The following DRD2 variants were observed in gnomAD, a reference collection of about 807,000 sequenced individuals.
DRD2 encodes the protein dopamine receptor D2, also known as D(2) dopamine receptor.
In DRD2, 8 loss-of-function variants were observed where a neutral mutation model predicts 38.0. That is an observed-to-expected ratio of 0.21 (90% confidence interval 0.12 to 0.38). The LOEUF (loss-of-function observed/expected upper bound fraction) is 0.38. Among genes scored for constraint, DRD2 ranks in the 10% least tolerant of loss-of-function variants. DRD2 has a pLI of 1.00. For synonymous variants in DRD2, 230 were observed against 238.6 expected (o/e 0.96, Z 0.33); for missense variants, 403 against 607.7 (o/e 0.66, Z 3.54).
intron 1 of DRD2, among the ~76,000 whole-genome samples, chr11:113,431,588 C>G (rs115140713): frequency 2.0e-5 from 3 of 152,208 alleles, no homozygotes; most frequent in Admixed American, 6.5e-5. Flanking sequence ...CATTCTAGTG[C>G]TCAGGACCCC....
At chr11:113,444,226 AG>A (rs1951119907) in intron 1 of DRD2, among the ~76,000 whole-genome samples, 1 of 152,294 alleles carries the variant, frequency 6.6e-6, no homozygotes, top group South Asian at 2.1e-4. Context: ...TAGTAGAGAC[AG>A]GGTTTCACCA....
At chr11:113,449,743 C>A (rs1951192037) in intron 1 of DRD2, among the ~76,000 whole-genome samples, 1 of 152,070 alleles carries the variant, frequency 6.6e-6, no homozygotes, top group South Asian at 2.1e-4. Context: ...CAGAAATGGT[C>A]TGAATACCTA....
intron 1 of DRD2, among the ~76,000 whole-genome samples, chr11:113,465,653 G>C (rs1421120491): frequency 6.6e-6 from 1 of 152,134 alleles, no homozygotes; most frequent in Admixed American, 6.5e-5. Flanking sequence ...AAAACTCCAT[G>C]GTCTAACCTG....
intron 1 of DRD2, among the ~76,000 whole-genome samples, chr11:113,432,792 G>C (rs371453872): frequency 6.6e-6 from 1 of 152,148 alleles, no homozygotes; most frequent in Non-Finnish European, 1.5e-5. Context: ...ACTTGGGGTT[G>C]GACCTTCTTT....
chr11:113,434,768 A>G (rs1386812490), intron 1 of DRD2, among the ~76,000 whole-genome samples: 2 of 151,656 alleles, frequency 1.3e-5, no homozygotes, highest in Non-Finnish European at 2.9e-5. Flanking sequence ...CAGCAGGCCA[A>G]GGGAGCCATC....
chr11:113,416,800 G>C lies in DRD2; in HGVS notation c.532+63C>G, dbSNP rs1029522633. 1.2e-5 allele frequency: 19 copies of C among 1,591,864 alleles called. No homozygotes were observed. In the African/African-American group the frequency reaches 1.9e-4, roughly 16 times the overall value. On this transcript the variant is annotated intron_variant, in intron 4 of 7. Transcript: ENST00000362072. ...GTGCCAGGGACTCTGCTCCCTCAGG[G>C]CCCTTCGAGGGAGCAGGGGCCCAGG... is the stretch of plus-strand genomic sequence containing the variant.
chr11:113,420,015 T>A (rs1302641148), intron 2 of DRD2, among the ~76,000 whole-genome samples: 1 of 152,142 alleles, frequency 6.6e-6, no homozygotes, highest in Non-Finnish European at 1.5e-5. Context: ...ATTTTGCGGG[T>A]GGAGGCAGGA....
intron 1 of DRD2, among the ~76,000 whole-genome samples, chr11:113,443,345 T>G (rs1273897521): frequency 1.3e-5 from 2 of 152,224 alleles, no homozygotes; most frequent in Non-Finnish European, 2.9e-5. Flanking sequence ...TCTGTCTCTC[T>G]CCTCTCCTAT....
In DRD2 at chr11:113,412,643, T is replaced by A. The variant is rs1110977; in HGVS notation, c.1051A>T (p.Thr351Ser). 1 of 1,613,880 alleles carries A rather than the reference T, an allele frequency of 6.2e-7. No individual in the cohort carries two copies. The highest frequency in any genetic ancestry group is 8.5e-7 in the Non-Finnish European group (1 of 1,180,010). Residue 351 changes from threonine to serine, a missense_variant, in exon 7 of 8, where the codon ACC becomes TCC. Physicochemically the swap from Thr to Ser is moderately conservative, Grantham distance 58 (BLOSUM62 1). This residue lies in a region of DRD2 where 67 missense variants were observed against 136.1 expected (regional missense o/e 0.49). Coordinates refer to ENST00000362072, the MANE Select transcript of DRD2 (RefSeq NM_000795.4). ...FEIQTMPNGK[T>S]RTSLKTMSRR... ...CTCATGGTCTTGAGGGAGGTCCGGG[T>A]TTTGCCATTGGGCATGGTCTGGATC...
At chr11:113,427,890 G>T (rs1950954284) in intron 1 of DRD2, among the ~76,000 whole-genome samples, 2 of 152,106 alleles carry the variant, frequency 1.3e-5, no homozygotes, top group Admixed American at 6.5e-5. Flanking sequence ...CTTAGGGTGG[G>T]CCCTAACCCA....
chr11:113,470,640 A>G (rs1348759706), intron 1 of DRD2, among the ~76,000 whole-genome samples: 1 of 152,182 alleles, frequency 6.6e-6, no homozygotes, highest in Non-Finnish European at 1.5e-5. Flanking sequence ...AAATTGCCCA[A>G]ACTACACTAA....
At chr11:113,420,791 G>T (rs929191187) in intron 2 of DRD2, among the ~76,000 whole-genome samples, 1 of 152,216 alleles carries the variant, frequency 6.6e-6, no homozygotes, top group Non-Finnish European at 1.5e-5. Context: ...ACTAGGGAGG[G>T]TCAGAGAAGA....
chr11:113,452,712 A>G (rs1476923937), intron 1 of DRD2, among the ~76,000 whole-genome samples: 1 of 149,632 alleles, frequency 6.7e-6, no homozygotes, highest in East Asian at 2.0e-4. Context: ...CAGTGGTGCA[A>G]TCTCAGCTCA....
intron 6 of DRD2, 121 bp from the exon 7 acceptor site, chr11:113,413,004 T>G (rs1180262026): frequency 2.6e-6 from 3 of 1,147,410 alleles, no homozygotes; most frequent in Non-Finnish European, 3.7e-6. Flanking sequence ...AGGGTCACCC[T>G]GCCAGGGAGG....
chr11:113,462,453 G>A (rs904197715), intron 1 of DRD2, among the ~76,000 whole-genome samples: 1 of 152,174 alleles, frequency 6.6e-6, no homozygotes, highest in Admixed American at 6.5e-5. Context: ...GAAGCAGAGA[G>A]GAGACAGAGA....
intron 1 of DRD2, among the ~76,000 whole-genome samples, chr11:113,467,003 A>G (rs1951376081): frequency 6.6e-6 from 1 of 152,144 alleles, no homozygotes; most frequent in African/African-American, 2.4e-5. Context: ...TACACATACT[A>G]CTAAAGAAAA....
In DRD2 at chr11:113,441,948, C is replaced by CA. The variant is rs779962309; in HGVS notation, c.-31-17267dup. On this transcript the variant is annotated intron_variant, in intron 1 of 7. Coordinates refer to ENST00000362072, the MANE Select transcript of DRD2 (RefSeq NM_000795.4). ...GGGTGACAGAGTGAGACTCTGTCTC[C>CA]AAAAAAAAAAAAAAAGCTACACCTC... Among the ~76,000 whole-genome samples the CA allele has an allele frequency of 2.5e-3, 236 of 94,968 alleles. 1 individual carries two copies. The highest frequency in any genetic ancestry group is 5.1e-3 in the African/African-American group (135 of 26,452). 62.3% of individuals were successfully genotyped at this position (94,968 alleles called of 152,430 possible). A position where few individuals can be genotyped will look rare whatever the true frequency, so the allele number is the denominator to read the frequency against.
rs1800496 is a variant in DRD2 at position 113,412,766 on chromosome 11, G to A, written c.928C>T (p.Pro310Ser). The A allele has an allele frequency of 1.1e-3, 1,751 of 1,613,788 alleles. 24 individuals are homozygous for A. In the Middle Eastern group the frequency reaches 0.028, roughly 25 times the overall value. Residue 310 changes from proline (P) to serine (S), a missense_variant, in exon 7 of 8, where the codon CCG becomes TCG. Physicochemically the swap from Pro to Ser is moderately conservative, Grantham distance 74. Transcript: ENST00000362072. ...GTGCTGTGGAGACCATGGTGGGACGGGTCGGGGAGAGTCAGCTGGTGGTGG... is the reference window on the plus strand; with the variant it reads ...GTGCTGTGGAGACCATGGTGGGACGAGTCGGGGAGAGTCAGCTGGTGGTGG... ...PSHHQLTLPDPSHHGLHSTPD... is the reference protein window; with the variant it reads ...PSHHQLTLPDSSHHGLHSTPD...
chr11:113,410,978 C>T (rs1950764321), intron 7 of DRD2, 58 bp from the exon 8 acceptor site: 2 of 1,557,242 alleles, frequency 1.3e-6, no homozygotes, highest in Non-Finnish European at 8.7e-7. Context: ...CGGCTGGGAA[C>T]ACCCACACCC....
Sources: allele counts gnomAD v4.1 joint callset (sites outside exome capture counted in the v4.1 genomes callset), GRCh38; gene constraint gnomAD v4.1.1; regional missense constraint gnomAD v4.1.1; transcripts MANE v1.5; gene names NCBI Gene and HGNC (gene_info 2026-07-23, HGNC 2026-07-21).